Variants in MAP2K5 observed in about 807,000 individuals in gnomAD.
MAP2K5 encodes mitogen-activated protein kinase kinase 5, also known as dual specificity mitogen-activated protein kinase kinase 5.
A neutral mutation model predicts 83.1 loss-of-function variants in MAP2K5; 49 were observed. The ratio of observed to expected loss-of-function variants is 0.59; its 90% CI spans 0.47 to 0.75. The LOEUF (loss-of-function observed/expected upper bound fraction) is 0.75, where lower values mean the gene tolerates loss of function less well. MAP2K5 is among the 30% of genes least tolerant of loss of function. The pLI is 0.00. For synonymous variants in MAP2K5, 202 were observed against 191.8 expected (o/e 1.05, Z -0.44); for missense variants, 457 against 557.5 (o/e 0.82, Z 1.82).
At chr15:67,704,128 A>G (rs1405055070) in intron 16 of MAP2K5, among the ~76,000 whole-genome samples, 2 of 152,230 alleles carry the variant, frequency 1.3e-5, no homozygotes, top group Non-Finnish European at 2.9e-5. Flanking sequence ...CTACAAAAAA[A>G]TGCATGTAAC....
In MAP2K5 at chr15:67,698,421, C is replaced by G. The variant is rs1171946098; in HGVS notation, c.972+4853C>G. Among the ~76,000 whole-genome samples, 1 of 152,052 alleles carries G rather than the reference C, an allele frequency of 6.6e-6. No individual in the cohort carries two copies. Among genetic ancestry groups the G allele is most frequent in the African/African-American group, 2.4e-5 (1 of 41,404 alleles). On this transcript the variant is annotated intron_variant, in intron 15 of 21. Coordinates refer to ENST00000178640, the MANE Select transcript of MAP2K5 (RefSeq NM_145160.3). This position sits in a 1 kb window ranked among gnomAD's most constrained non-coding sequence, Gnocchi z 4.5. ...GCCATGCTGGTCTCGAACTCCTGGCCTCAAGTGATCCACCCTCCTTGGCCT... is the reference window on the plus strand; with the variant it reads ...GCCATGCTGGTCTCGAACTCCTGGCGTCAAGTGATCCACCCTCCTTGGCCT...
intron 8 of MAP2K5, among the ~76,000 whole-genome samples, chr15:67,621,366 C>CT (rs1336649050): frequency 2.4e-5 from 3 of 122,492 alleles, no homozygotes; most frequent in African/African-American, 9.2e-5. Flanking sequence ...TCAAGAAAAT[C>CT]AAGAAGGTGG....
rs530085005 is a variant in MAP2K5 at position 67,698,249 on chromosome 15, G to T, written c.972+4681G>T. Among the ~76,000 whole-genome samples the T allele has an allele frequency of 3.3e-5, 5 of 152,058 alleles. No individual in the cohort carries two copies. In the East Asian group the frequency reaches 9.7e-4, roughly 29 times the overall value. On this transcript the variant is annotated intron_variant, in intron 15 of 21. Transcript: ENST00000178640. The surrounding 1 kb of genome is among the most constrained non-coding windows in gnomAD (Gnocchi z 4.5). ...CTGTCCCCCAGGCTGGAGTGCAGTG[G>T]CGATTGCAGCTCACCGCAACCTCTG...
At chr15:67,797,771 C>T (rs538423569) in intron 21 of MAP2K5, among the ~76,000 whole-genome samples, 2 of 152,094 alleles carry the variant, frequency 1.3e-5, no homozygotes, top group African/African-American at 4.8e-5. Context: ...CAACCTCTGC[C>T]TCCTGGGTTC....
At position 67,696,004 on chromosome 15, in the gene MAP2K5, G is replaced by A. The variant is rs563652462; in HGVS notation, c.972+2436G>A. On this transcript the variant is annotated intron_variant, in intron 15 of 21. Coordinates refer to ENST00000178640, the MANE Select transcript of MAP2K5 (RefSeq NM_145160.3). ...TCAGTAGGAGGCTCTTATTGGCCAAGTGCTCACCTACATGGTGTAAGGTTG... is the reference window on the plus strand; with the variant it reads ...TCAGTAGGAGGCTCTTATTGGCCAAATGCTCACCTACATGGTGTAAGGTTG... 3.3e-5 allele frequency among the ~76,000 whole-genome samples: 5 copies of A among 151,956 alleles called. No individual in the cohort carries two copies. The South Asian group carries it at 8.3e-4, about 25-fold the overall frequency.
At position 67,636,468 on chromosome 15, in the gene MAP2K5, T is replaced by G. The variant is rs1191480958; in HGVS notation, c.585+5541T>G. 2.0e-5 allele frequency among the ~76,000 whole-genome samples: 3 copies of G among 152,186 alleles called. No individual in the cohort carries two copies. The highest frequency in any genetic ancestry group is 4.4e-5 in the Non-Finnish European group (3 of 68,024). ...AACTGAATTAGTGGCCTTATCTATT[T>G]ATTCCATCATATGTGTCATATCTGG... On this transcript the variant is annotated intron_variant, in intron 9 of 21. Transcript: ENST00000178640. The surrounding 1 kb of genome is among the most constrained non-coding windows in gnomAD (Gnocchi z 4.7).
intron 16 of MAP2K5, among the ~76,000 whole-genome samples, chr15:67,721,399 C>T (rs1282139164): frequency 1.3e-5 from 2 of 152,092 alleles, no homozygotes; most frequent in Non-Finnish European, 2.9e-5. Context: ...CCCGTTAAGG[C>T]GCACTCCTGA....
rs2087441513 is a variant in MAP2K5 at position 67,668,407 on chromosome 15, T to C, written c.847+3762T>C. Among the ~76,000 whole-genome samples, 3 of 152,176 alleles carry C rather than the reference T, an allele frequency of 2.0e-5. No individual in the cohort carries two copies. Among genetic ancestry groups the C allele is most frequent in the Non-Finnish European group, 4.4e-5 (3 of 68,028 alleles). The stretch of plus-strand genomic sequence containing the variant: ...CACCAAATTAACTACTGTGGAAAAG[T>C]TGTCTTTATTAAAAGGCATATGTGA... On this transcript the variant is annotated intron_variant, in intron 13 of 21. Transcript: ENST00000178640. This position sits in a 1 kb window ranked among gnomAD's most constrained non-coding sequence, Gnocchi z 4.0.
At chr15:67,588,522 G>C (rs1241746782) in intron 6 of MAP2K5, among the ~76,000 whole-genome samples, 1 of 152,174 alleles carries the variant, frequency 6.6e-6, no homozygotes, top group Non-Finnish European at 1.5e-5. Context: ...TACTATTTGA[G>C]GGCAGTGACT....
chr15:67,651,774 G>C (rs537306799), intron 11 of MAP2K5, among the ~76,000 whole-genome samples: 29 of 152,138 alleles, frequency 1.9e-4, no homozygotes, highest in Non-Finnish European at 3.7e-4. Flanking sequence ...TGGACACTCA[G>C]ATTGATTTCA....
chr15:67,699,960 CT>C (rs1367126976), intron 15 of MAP2K5, among the ~76,000 whole-genome samples: 1 of 111,562 alleles, frequency 9.0e-6, no homozygotes, highest in African/African-American at 3.5e-5. Flanking sequence ...ACACAGGGAT[CT>C]TGCCAATGTA....
chr15:67,695,607 T>C (rs1264506107), intron 15 of MAP2K5, among the ~76,000 whole-genome samples: 1 of 152,150 alleles, frequency 6.6e-6, no homozygotes, highest in East Asian at 1.9e-4. Context: ...TTTTTAAAAG[T>C]TGGGGGGACA....
chr15:67,619,662 C>A (rs944740350), intron 8 of MAP2K5, among the ~76,000 whole-genome samples: 1 of 152,158 alleles, frequency 6.6e-6, no homozygotes, highest in Non-Finnish European at 1.5e-5. Context: ...AAGTGAACAC[C>A]ATTTCTGTAA....
intron 16 of MAP2K5, among the ~76,000 whole-genome samples, chr15:67,706,418 A>G (rs963038169): frequency 6.6e-5 from 10 of 152,190 alleles, no homozygotes. Flanking sequence ...AGTGTGGGAC[A>G]CCTGAATGCT....
chr15:67,578,817 G>A (rs1270742587), intron 3 of MAP2K5, among the ~76,000 whole-genome samples: 2 of 152,056 alleles, frequency 1.3e-5, no homozygotes, highest in East Asian at 3.9e-4. Flanking sequence ...ATGCATGCGA[G>A]GTTTTATAGT....
chr15:67,554,508 AGAGTT>A (rs1266355645), intron 2 of MAP2K5, among the ~76,000 whole-genome samples: 1 of 152,200 alleles, frequency 6.6e-6, no homozygotes, highest in Non-Finnish European at 1.5e-5. Context: ...GTAGAGAAAA[AGAGTT>A]GAGTGAGTGG....
chr15:67,714,866 GA>G (rs1397994979), intron 16 of MAP2K5, among the ~76,000 whole-genome samples: 5 of 152,028 alleles, frequency 3.3e-5, no homozygotes, highest in African/African-American at 1.2e-4. Flanking sequence ...TTCAAAATCC[GA>G]AAAAGGCCAA....
In MAP2K5 at chr15:67,748,487, AT is replaced by A; in HGVS notation, c.1102-80del. The A allele has an allele frequency of 3.4e-6, 4 of 1,188,516 alleles. No individual in the cohort carries two copies. The highest frequency in any genetic ancestry group is 1.9e-5 in the Admixed American group (1 of 52,492). The allele number at this position is 1,188,516 out of a possible 1,614,324, so 73.6% of individuals were successfully genotyped here. A position where few individuals can be genotyped will look rare whatever the true frequency, so the allele number is the denominator to read the frequency against. ...GATTAATCTTGCTATATTTTATTGC[AT>A]TAATGATTTTTTCTTTCCACTCCAC... On this transcript the variant is annotated intron_variant, in intron 18 of 21. Coordinates refer to ENST00000178640, the MANE Select transcript of MAP2K5 (RefSeq NM_145160.3). This position sits in a 1 kb window ranked among gnomAD's most constrained non-coding sequence, Gnocchi z 4.0.
rs2090414780 is a variant in MAP2K5, at chr15:67,786,246, T to G, written c.1242+13494T>G. The stretch of plus-strand genomic sequence containing the variant: ...TTATATGTATGTCGGATGTTTGCAA[T>G]TGGTGTACACTGAATTGGTAGTCTC... On this transcript the variant is annotated intron_variant, in intron 21 of 21. Transcript: ENST00000178640. This position sits in a 1 kb window ranked among gnomAD's most constrained non-coding sequence, Gnocchi z 4.7. Among the ~76,000 whole-genome samples the G allele has an allele frequency of 2.0e-5, 3 of 152,080 alleles. 1 individual carries two copies. The South Asian group carries it at 6.2e-4, about 32-fold the overall frequency.
Sources: gnomAD v4.1 joint callset for allele counts (sites outside exome capture counted in the v4.1 genomes callset) on GRCh38, gnomAD v4.1.1 for gene constraint, Gnocchi (gnomAD v3.1) non-coding constraint, MANE v1.5 for transcripts, NCBI Gene and HGNC (gene_info 2026-07-23, HGNC 2026-07-21) for gene names.